Variants in PCDHGB1 observed in about 807,000 individuals in gnomAD.
PCDHGB1 encodes the protein protocadherin gamma subfamily B, 1.
PCDHGB1 carries 34 observed loss-of-function variants against 56.6 expected under a neutral mutation model. The observed-to-expected ratio is 0.60, with a 90% CI of 0.46 to 0.80. The LOEUF (loss-of-function observed/expected upper bound fraction) is 0.80. Ranked by LOEUF, PCDHGB1 falls within the 30% of genes least tolerant of loss-of-function variation. The pLI, the probability that PCDHGB1 is intolerant of heterozygous loss-of-function variation, is 0.00. For missense variants in PCDHGB1, 1,278 were observed against 1,204.6 expected (o/e 1.06, Z -0.90); for synonymous variants, 561 against 505.9 (o/e 1.11, Z -1.46).
At position 141,476,395 on chromosome 5, in the gene PCDHGB1, T is replaced by C. The variant is rs545562470; in HGVS notation, c.2410-18412T>C. 4 of 1,614,020 alleles carry C rather than the reference T, an allele frequency of 2.5e-6. 1 individual carries two copies. In the South Asian group the frequency reaches 4.4e-5, roughly 18 times the overall value. On this transcript the variant is annotated intron_variant, in intron 1 of 3. Transcript: ENST00000523390. This position sits in a 1 kb window ranked among gnomAD's most constrained non-coding sequence, Gnocchi z 7.6. ...AGATGTTTGTGAACGACCGTCTGGATCGAGAGGAGCTGTGTGGGACACTGC... is the reference window on the plus strand; with the variant it reads ...AGATGTTTGTGAACGACCGTCTGGACCGAGAGGAGCTGTGTGGGACACTGC...
Position 141,415,740 on chromosome 5 carries a change from G to GTTTTTT in PCDHGB1, c.2409+63098_2409+63103dup, listed in dbSNP as rs57426385. ...TGAGTAGAATTTGATGTTTATTAAGGTTTTTTTTTTTTTTTTTTTTTTTTT... is the reference window on the plus strand; with the variant it reads ...TGAGTAGAATTTGATGTTTATTAAGGTTTTTTTTTTTTTTTTTTTTTTTTTTTTTTT... On this transcript the variant is annotated intron_variant, in intron 1 of 3. Transcript: ENST00000523390. 6.6e-4 allele frequency: 412 copies of GTTTTTT among 624,836 alleles called. 3 individuals carry two copies. The highest frequency in any genetic ancestry group is 1.2e-3 in the African/African-American group (49 of 39,912). The allele number at this position is 624,836 out of a possible 1,614,324, so 38.7% of individuals were successfully genotyped here.
intron 1 of PCDHGB1, chr5:141,413,112 G>A (rs1589839162): frequency 6.7e-7 from 1 of 1,502,662 alleles, no homozygotes; most frequent in East Asian, 2.3e-5. Flanking sequence ...GAAAGACAAA[G>A]GAACCGGTTG....
chr5:141,456,446 T>C (rs1053843910), intron 1 of PCDHGB1, among the ~76,000 whole-genome samples: 2 of 151,782 alleles, frequency 1.3e-5, no homozygotes, highest in Admixed American at 1.3e-4. Context: ...GTATACAGAG[T>C]CCAAATATCA....
Position 141,476,641 on chromosome 5 carries a change from C to A in PCDHGB1, c.2410-18166C>A, listed in dbSNP as rs1183948220. The A allele has an allele frequency of 1.2e-6, 2 of 1,614,256 alleles. No homozygotes were observed. The highest frequency in any genetic ancestry group is 1.7e-5 in the Admixed American group (1 of 60,030). On this transcript the variant is annotated intron_variant, in intron 1 of 3. Transcript: ENST00000523390. This position sits in a 1 kb window ranked among gnomAD's most constrained non-coding sequence, Gnocchi z 7.6. ...ACTCTTTACAAACCTATGAGCTGAG[C>A]CGAAATGAATACTTTGCGCTTCGCG... is the stretch of plus-strand genomic sequence containing the variant.
At chr5:141,475,448 G>A (rs774710049) in intron 1 of PCDHGB1, among the ~76,000 whole-genome samples, 1 of 152,214 alleles carries the variant, frequency 6.6e-6, no homozygotes, top group Non-Finnish European at 1.5e-5. Flanking sequence ...CAGATAATGA[G>A]GAAGTGACAG....
chr5:141,433,168 T>A, intron 1 of PCDHGB1: 6 of 1,613,438 alleles, frequency 3.7e-6, no homozygotes, highest in Non-Finnish European at 3.4e-6. Context: ...CTAAAGACAG[T>A]CATGGGTTAA....
chr5:141,419,605 G>A, intron 1 of PCDHGB1: 1 of 1,611,776 alleles, frequency 6.2e-7, no homozygotes, highest in Non-Finnish European at 8.5e-7. Flanking sequence ...CGCGGGCCGC[G>A]CAGCCAGGCT....
intron 1 of PCDHGB1, chr5:141,383,567 C>A (rs752569196): frequency 6.2e-7 from 1 of 1,613,214 alleles, no homozygotes; most frequent in Non-Finnish European, 8.5e-7. Context: ...CCGCCCCGAT[C>A]CAGCACCGCC....
chr5:141,389,785 A>ACGCCGTCCGCCAGCGCCTTCTGGT (rs780757695), intron 1 of PCDHGB1: 1 of 1,613,332 alleles, frequency 6.2e-7, no homozygotes, highest in South Asian at 1.1e-5. Flanking sequence ...GGCGACAGGG[A>ACGCCGTCCGCCAGCGCCTTCTGGT]CGCCGTCCGC....
intron 1 of PCDHGB1, chr5:141,400,189 CT>C (rs770137840): frequency 5.6e-6 from 9 of 1,614,056 alleles, no homozygotes; most frequent in Non-Finnish European, 7.6e-6. Context: ...GCAGTTTTAC[CT>C]AGTGGTGGCC....
In PCDHGB1 at chr5:141,374,330, A is replaced by G. The variant is rs774789215; in HGVS notation, c.2409+21661A>G. Reference sequence around the variant, plus strand: ...TTTCTCTCTGAATCCGCGAAACGGCAGCTTGGTCACCGCGGGTAGGATAGA... The same window carrying G: ...TTTCTCTCTGAATCCGCGAAACGGCGGCTTGGTCACCGCGGGTAGGATAGA... On this transcript the variant is annotated intron_variant, in intron 1 of 3. Coordinates refer to ENST00000523390, the MANE Select transcript of PCDHGB1 (RefSeq NM_018922.3). 138 of 1,613,872 alleles carry G rather than the reference A, an allele frequency of 8.6e-5. No homozygotes were observed. Among genetic ancestry groups the G allele is most frequent in the Non-Finnish European group, 1.1e-4 (130 of 1,179,866 alleles).
intron 1 of PCDHGB1, chr5:141,389,851 CCA>C (rs2091943018): frequency 6.2e-7 from 1 of 1,613,936 alleles, no homozygotes; most frequent in Non-Finnish European, 8.5e-7. Context: ...TCGGCCACTG[CCA>C]CGTTGCACCT....
intron 1 of PCDHGB1, chr5:141,362,519 C>G: frequency 1.2e-6 from 2 of 1,613,948 alleles, no homozygotes; most frequent in South Asian, 1.1e-5. Context: ...AATCATGGAG[C>G]CGCTGGGGTC....
In PCDHGB1 at chr5:141,356,135, C is replaced by T. The variant is rs1051475792; in HGVS notation, c.2409+3466C>T. ...TTGGGGGGTCTAGATTATGAGGACT[C>T]TGGATTCTATGACATAGATGTAGAA... On this transcript the variant is annotated intron_variant, in intron 1 of 3. Coordinates refer to ENST00000523390, the MANE Select transcript of PCDHGB1 (RefSeq NM_018922.3). 3.3e-5 allele frequency: 53 copies of T among 1,613,762 alleles called. No individual in the cohort carries two copies. The African/African-American group carries it at 5.3e-4, about 16-fold the overall frequency.
intron 1 of PCDHGB1, chr5:141,417,570 T>A: frequency 2.7e-6 from 1 of 373,028 alleles, no homozygotes; most frequent in Non-Finnish European, 4.7e-6. Context: ...AAAAGTCAAG[T>A]TGCAGTCCCA....
At chr5:141,459,568 CAG>C (rs930633590) in intron 1 of PCDHGB1, among the ~76,000 whole-genome samples, 1 of 152,152 alleles carries the variant, frequency 6.6e-6, no homozygotes, top group Non-Finnish European at 1.5e-5. Context: ...TACCCCAAAA[CAG>C]AATTGTTTTG....
chr5:141,442,227 T>G (rs953690152), intron 1 of PCDHGB1: 16 of 153,240 alleles, frequency 1.0e-4, no homozygotes, highest in African/African-American at 3.6e-4. Context: ...TTAATTTCCT[T>G]TTTATTCTTC....
At position 141,431,056 on chromosome 5, in the gene PCDHGB1, C is replaced by T; in HGVS notation, c.2410-63751C>T. ...ACCGGGAGGAGCTCTGTATGGGGGC[C>T]ATCAAGTGTCAATTAAATCTAGACA... On this transcript the variant is annotated intron_variant, in intron 1 of 3. Transcript: ENST00000523390. The surrounding 1 kb of genome is among the most constrained non-coding windows in gnomAD (Gnocchi z 4.8). 1 of 1,614,126 alleles carries T rather than the reference C, an allele frequency of 6.2e-7. No homozygotes were observed. The highest frequency in any genetic ancestry group is 8.5e-7 in the Non-Finnish European group (1 of 1,180,000).
rs201120335 is a variant in PCDHGB1, at chr5:141,389,439, G to T, written c.2409+36770G>T. On this transcript the variant is annotated intron_variant, in intron 1 of 3. Transcript: ENST00000523390. ...GGTGGTGTTCGCGCAGCGCGCCTTC[G>T]ACCACGAGCAGCTGCGCGCCTTCGA... The T allele has an allele frequency of 4.0e-4, 652 of 1,610,462 alleles. No individual in the cohort carries two copies. The highest frequency in any genetic ancestry group is 5.4e-4 in the Non-Finnish European group (638 of 1,178,376).
Sources: allele counts gnomAD v4.1 joint callset (sites outside exome capture counted in the v4.1 genomes callset), GRCh38; gene constraint gnomAD v4.1.1; non-coding constraint Gnocchi (gnomAD v3.1); transcripts MANE v1.5; gene names NCBI Gene and HGNC (gene_info 2026-07-23, HGNC 2026-07-21).